Variants in SIPA1L1 observed in about 807,000 individuals in gnomAD.
The protein encoded by SIPA1L1 is signal induced proliferation associated 1 like 1.
In SIPA1L1, 26 loss-of-function variants were observed where a neutral mutation model predicts 162.7. The ratio of observed to expected loss-of-function variants is 0.16; its 90% CI spans 0.12 to 0.22. The LOEUF is 0.22. Ranked by LOEUF, SIPA1L1 falls within the 10% of genes least tolerant of loss-of-function variation. SIPA1L1 has a pLI of 1.00. For missense variants in SIPA1L1, 1,874 were observed against 2,241.0 expected (o/e 0.84, Z 3.31); for synonymous variants, 829 against 837.4 (o/e 0.99, Z 0.17).
rs540030485 is a variant in SIPA1L1 at position 71,698,499 on chromosome 14, A to G, written c.3375-482A>G. ...CCAGAATTATAAATACTAAATAGCA[A>G]AATCTGAATATTCATTCCAGAGTGT... On this transcript the variant is annotated intron_variant, in intron 13 of 23. Coordinates refer to ENST00000381232, the MANE Select transcript of SIPA1L1 (RefSeq NM_001386936.1). Among the ~76,000 whole-genome samples, 4 of 152,370 alleles carry G rather than the reference A, an allele frequency of 2.6e-5. No homozygotes were observed. In the Middle Eastern group the frequency reaches 0.01, roughly 389 times the overall value.
chr14:71,604,445 G>A (rs1248834978), intron 5 of SIPA1L1, among the ~76,000 whole-genome samples: 2 of 152,150 alleles, frequency 1.3e-5, no homozygotes, highest in Non-Finnish European at 2.9e-5. Context: ...ACCTGGCCAA[G>A]TTTGGTGGAT....
At chr14:71,545,893 A>C (rs1399656200) in intron 4 of SIPA1L1, among the ~76,000 whole-genome samples, 9 of 152,048 alleles carry the variant, frequency 5.9e-5, no homozygotes, top group Non-Finnish European at 1.2e-4. Context: ...CTGAGTCCAG[A>C]AATTTAAGAC....
chr14:71,615,261 A>G (rs188197037), intron 5 of SIPA1L1, among the ~76,000 whole-genome samples: 11 of 152,302 alleles, frequency 7.2e-5, no homozygotes, highest in East Asian at 1.9e-4. Context: ...TTGGTTTTCA[A>G]AATTTAAGAG....
intron 4 of SIPA1L1, among the ~76,000 whole-genome samples, chr14:71,543,906 GTA>G (rs931239684): frequency 3.4e-5 from 5 of 147,382 alleles, no homozygotes; most frequent in Admixed American, 6.8e-5. Flanking sequence ...GTATATGTGT[GTA>G]TATATACATA....
intron 3 of SIPA1L1, among the ~76,000 whole-genome samples, chr14:71,522,200 CA>C: frequency 6.6e-6 from 1 of 152,274 alleles, no homozygotes; most frequent in East Asian, 1.9e-4. Context: ...AATAAGTCAT[CA>C]CCTTAATTGG....
intron 7 of SIPA1L1, among the ~76,000 whole-genome samples, chr14:71,636,363 G>A (rs2041149074): frequency 6.6e-6 from 1 of 152,094 alleles, no homozygotes; most frequent in African/African-American, 2.4e-5. Context: ...AATCAAACTG[G>A]AATCAAACTA....
At chr14:71,544,299 CAT>C (rs753545838) in intron 4 of SIPA1L1, among the ~76,000 whole-genome samples, 32 of 146,522 alleles carry the variant, frequency 2.2e-4, no homozygotes, top group South Asian at 4.3e-4. Context: ...ACATATATAT[CAT>C]GTGTGTATAT....
intron 4 of SIPA1L1, among the ~76,000 whole-genome samples, chr14:71,536,278 G>A (rs2053894435): frequency 6.6e-6 from 1 of 152,164 alleles, no homozygotes; most frequent in Non-Finnish European, 1.5e-5. Flanking sequence ...TGATGCTCAG[G>A]ATAACTTAGT....
intron 15 of SIPA1L1, among the ~76,000 whole-genome samples, chr14:71,704,144 C>A (rs546266931): frequency 6.0e-4 from 91 of 152,246 alleles, no homozygotes; most frequent in African/African-American, 2.0e-3. Flanking sequence ...TTTTTGATAT[C>A]CCAGCATTCC....
chr14:71,676,854 A>G (rs565984852), intron 12 of SIPA1L1, among the ~76,000 whole-genome samples: 1 of 151,864 alleles, frequency 6.6e-6, no homozygotes, highest in Non-Finnish European at 1.5e-5. Context: ...CATGTGCCAC[A>G]TTTTCTTAAT....
chr14:71,441,390 C>T (rs1002342824), intron 2 of SIPA1L1, among the ~76,000 whole-genome samples: 3 of 152,184 alleles, frequency 2.0e-5, no homozygotes, highest in African/African-American at 7.2e-5. Context: ...TCCTAGTGGC[C>T]TCTGTCCTTG....
intron 13 of SIPA1L1, among the ~76,000 whole-genome samples, chr14:71,688,739 T>C (rs2081050377): frequency 6.6e-6 from 1 of 152,218 alleles, no homozygotes; most frequent in Non-Finnish European, 1.5e-5. Flanking sequence ...AATTTGGACC[T>C]TTCAGAGGAA....
At chr14:71,583,613 G>A (rs542813722) in intron 4 of SIPA1L1, among the ~76,000 whole-genome samples, 7 of 151,894 alleles carry the variant, frequency 4.6e-5, no homozygotes, top group South Asian at 2.1e-4. Flanking sequence ...CCCTTGGCAC[G>A]ATGTTGTTTC....
chr14:71,531,991 A>G (rs2053488173), intron 4 of SIPA1L1, among the ~76,000 whole-genome samples: 1 of 152,188 alleles, frequency 6.6e-6, no homozygotes. Context: ...GTATCAGAGA[A>G]AAATTTACAA....
chr14:71,525,956 T>C (rs946098616), intron 3 of SIPA1L1, among the ~76,000 whole-genome samples: 1 of 152,218 alleles, frequency 6.6e-6, no homozygotes, highest in Non-Finnish European at 1.5e-5. Flanking sequence ...CTGCCACTCC[T>C]GTGTACGCTA....
chr14:71,390,179 C>T (rs1211928191), intron 2 of SIPA1L1, among the ~76,000 whole-genome samples: 1 of 152,142 alleles, frequency 6.6e-6, no homozygotes, highest in East Asian at 1.9e-4. Context: ...AATGATACAG[C>T]TGTTTCATCC....
intron 4 of SIPA1L1, among the ~76,000 whole-genome samples, chr14:71,578,790 T>C (rs1219976221): frequency 1.3e-5 from 2 of 152,242 alleles, no homozygotes; most frequent in African/African-American, 4.8e-5. Flanking sequence ...AACTCTTTCT[T>C]ATAAAATCCT....
At chr14:71,503,203 T>G (rs578247299) in intron 2 of SIPA1L1, among the ~76,000 whole-genome samples, 9 of 152,192 alleles carry the variant, frequency 5.9e-5, no homozygotes, top group Non-Finnish European at 1.2e-4. Context: ...TATAGCTCAT[T>G]TTATCCTAAG....
At chr14:71,380,427 A>AG (rs576367660) in intron 2 of SIPA1L1, among the ~76,000 whole-genome samples, 2 of 152,218 alleles carry the variant, frequency 1.3e-5, no homozygotes, top group Non-Finnish European at 2.9e-5. Context: ...AAGAACTTAC[A>AG]GGCCTCTAAA....
Sources: gnomAD v4.1 joint callset for allele counts (sites outside exome capture counted in the v4.1 genomes callset) on GRCh38, gnomAD v4.1.1 for gene constraint, MANE v1.5 for transcripts, NCBI Gene and HGNC (gene_info 2026-07-23, HGNC 2026-07-21) for gene names.